Variants in IL1RAPL2 observed in about 807,000 individuals in gnomAD.
The protein encoded by IL1RAPL2 is X-linked interleukin-1 receptor accessory protein-like 2.
Under a neutral mutation model 44.1 loss-of-function variants are expected in IL1RAPL2, and 3 were observed. That is an observed-to-expected ratio of 0.07 (90% confidence interval 0.03 to 0.18). The LOEUF (loss-of-function observed/expected upper bound fraction) is 0.18. IL1RAPL2 is among the 10% of genes least tolerant of loss of function. The pLI, the probability that IL1RAPL2 is intolerant of heterozygous loss-of-function variation, is 1.00. For missense variants in IL1RAPL2, 391 were observed against 496.4 expected, an observed-to-expected ratio of 0.79 and a Z score of 2.02; for synonymous variants, 181 against 178.8, an observed-to-expected ratio of 1.01 and a Z score of -0.10.
intron 2 of IL1RAPL2, among the ~76,000 whole-genome samples, chrX:104,874,500 A>G (rs1402367236): frequency 9.0e-6 from 1 of 110,897 alleles, no homozygotes; most frequent in Admixed American, 9.7e-5. Flanking sequence ...CTGATTATTG[A>G]TGCTGCCAGG....
At chrX:104,631,311 G>A (rs1046266872) in intron 1 of IL1RAPL2, among the ~76,000 whole-genome samples, 5 of 111,879 alleles carry the variant, frequency 4.5e-5, no homozygotes, top group African/African-American at 1.6e-4. Flanking sequence ...GTGTGCATGT[G>A]TCTTTATAGA....
At chrX:104,909,062 T>C (rs1924136694) in intron 2 of IL1RAPL2, among the ~76,000 whole-genome samples, 1 of 111,177 alleles carries the variant, frequency 9.0e-6, no homozygotes, top group Admixed American at 9.6e-5. Context: ...CTTTTTTCTC[T>C]AAACTTCCCT....
chrX:105,495,771 T>C (rs746019461), intron 6 of IL1RAPL2, among the ~76,000 whole-genome samples: 11 of 110,494 alleles, frequency 1.0e-4, no homozygotes, highest in Non-Finnish European at 1.9e-4. Flanking sequence ...AAGGTACAAT[T>C]TGAAAACTGC....
intron 6 of IL1RAPL2, among the ~76,000 whole-genome samples, chrX:105,561,983 C>T (rs1291948881): frequency 9.0e-6 from 1 of 111,112 alleles, no homozygotes; most frequent in Non-Finnish European, 1.9e-5. Context: ...CTTCAGTGTT[C>T]CTGTGATTTA....
At chrX:104,749,087 G>A (rs1266231124) in intron 2 of IL1RAPL2, among the ~76,000 whole-genome samples, 1 of 111,177 alleles carries the variant, frequency 9.0e-6, no homozygotes, top group Admixed American at 9.6e-5. Flanking sequence ...ATAACAGTAA[G>A]GATTTTATTT....
chrX:105,532,763 G>GA (rs770470859), intron 6 of IL1RAPL2, among the ~76,000 whole-genome samples: 2 of 109,529 alleles, frequency 1.8e-5, no homozygotes, highest in African/African-American at 6.6e-5. Flanking sequence ...GTTACATTTT[G>GA]AAAAAAATAA....
chrX:105,395,228 A>G (rs2035553185), intron 5 of IL1RAPL2, among the ~76,000 whole-genome samples: 1 of 110,744 alleles, frequency 9.0e-6, no homozygotes, highest in African/African-American at 3.3e-5. Flanking sequence ...AAATTCATAA[A>G]TATATATATA....
chrX:104,966,047 G>C (rs1001702603), intron 2 of IL1RAPL2, among the ~76,000 whole-genome samples: 1 of 111,338 alleles, frequency 9.0e-6, no homozygotes, highest in African/African-American at 3.3e-5. Context: ...TCAGAGTCAG[G>C]ATGCATAATG....
intron 6 of IL1RAPL2, among the ~76,000 whole-genome samples, chrX:105,592,524 C>T (rs1157160691): frequency 9.0e-6 from 1 of 111,320 alleles, no homozygotes; most frequent in African/African-American, 3.3e-5. Context: ...AATACTGTGT[C>T]GATGGTTTAT....
intron 3 of IL1RAPL2, among the ~76,000 whole-genome samples, chrX:105,204,461 TC>T (rs2033744279): frequency 1.8e-5 from 2 of 112,020 alleles, no homozygotes; most frequent in South Asian, 7.4e-4. Flanking sequence ...ATAACTCTAG[TC>T]CCAGGCATGA....
At chrX:105,407,234 C>T (rs1471724461) in intron 5 of IL1RAPL2, among the ~76,000 whole-genome samples, 2 of 109,258 alleles carry the variant, frequency 1.8e-5, no homozygotes, top group Admixed American at 2.0e-4. Flanking sequence ...TTTCCATATT[C>T]TGATTTTTAA....
chrX:105,601,590 A>G (rs1740276986), intron 6 of IL1RAPL2, among the ~76,000 whole-genome samples: 1 of 110,997 alleles, frequency 9.0e-6, no homozygotes. Flanking sequence ...CTAAAGGGGA[A>G]CTCCACAATC....
In IL1RAPL2 at chrX:105,303,205, G is replaced by A. The variant is rs569073711; in HGVS notation, c.697+35664G>A. Among the ~76,000 whole-genome samples the A allele has an allele frequency of 5.3e-4, 59 of 111,459 alleles. No individual in the cohort carries two copies. The South Asian group carries it at 0.021, about 40-fold the overall frequency. ...TCTTAAAACCAGGTACTGTAATTGC[G>A]CCCGCAAATTAAAACCTTTCAGAGG... On this transcript the variant is annotated intron_variant, in intron 5 of 10. Transcript: ENST00000372582.
chrX:104,822,546 A>G lies in IL1RAPL2; in HGVS notation c.82+163551A>G, dbSNP rs771982862. Reference sequence around the variant, plus strand: ...CTTGTTTTTGTCAGGTTTGTCAAAGATCAGGTGGTTGTAGATGTGTGGTGT... The same window carrying G: ...CTTGTTTTTGTCAGGTTTGTCAAAGGTCAGGTGGTTGTAGATGTGTGGTGT... On this transcript the variant is annotated intron_variant, in intron 2 of 10. Transcript: ENST00000372582. Among the ~76,000 whole-genome samples, 5 of 111,930 alleles carry G rather than the reference A, an allele frequency of 4.5e-5. No individual in the cohort carries two copies. In the East Asian group the frequency reaches 1.4e-3, roughly 32 times the overall value.
intron 2 of IL1RAPL2, among the ~76,000 whole-genome samples, chrX:105,114,999 A>G (rs2032839372): frequency 8.9e-6 from 1 of 112,025 alleles, no homozygotes; most frequent in Admixed American, 9.5e-5. Flanking sequence ...ATCAAAATCC[A>G]GCATTACTCA....
chrX:105,639,072 T>C (rs2037545785), intron 6 of IL1RAPL2, among the ~76,000 whole-genome samples: 1 of 111,668 alleles, frequency 9.0e-6, no homozygotes, highest in Admixed American at 9.5e-5. Context: ...CTTAATTTTG[T>C]TTTTTATGCG....
In IL1RAPL2 at chrX:105,405,646, G is replaced by A. The variant is rs1602396999; in HGVS notation, c.698-78667G>A. 4 of 1,123,572 alleles carry A rather than the reference G, an allele frequency of 3.6e-6. No homozygotes were observed. The African/African-American group carries it at 5.3e-5, about 15-fold the overall frequency. 92.6% of individuals were successfully genotyped at this position (1,123,572 alleles called of 1,213,427 possible). A position where few individuals can be genotyped will look rare whatever the true frequency, so the allele number is the denominator to read the frequency against. ...CCTCAGGACCCAGCGGGGGCAGCGC[G>A]ATGAGGCGGGTGACCCTGTTCCTGA... On this transcript the variant is annotated intron_variant, in intron 5 of 10. Transcript: ENST00000372582.
intron 5 of IL1RAPL2, among the ~76,000 whole-genome samples, chrX:105,401,103 C>T (rs994116248): frequency 9.0e-6 from 1 of 111,348 alleles, no homozygotes; most frequent in South Asian, 3.8e-4. Flanking sequence ...TTTATAATGG[C>T]GTTAATCTCA....
rs760374524 is a variant in IL1RAPL2, at chrX:104,886,027, A to G, written c.82+227032A>G. 1.8e-3 allele frequency among the ~76,000 whole-genome samples: 201 copies of G among 112,514 alleles called. 1 individual carries two copies. The highest frequency in any genetic ancestry group is 4.1e-3 in the Admixed American group (44 of 10,728). ...TTAACCATTGAGGGCCAGGAAATTG[A>G]CTTCCTCCTGGACACTGGCACAGCC... On this transcript the variant is annotated intron_variant, in intron 2 of 10. Transcript: ENST00000372582.
Sources: allele counts gnomAD v4.1 joint callset (sites outside exome capture counted in the v4.1 genomes callset), GRCh38; gene constraint gnomAD v4.1.1; transcripts MANE v1.5; gene names NCBI Gene and HGNC (gene_info 2026-07-23, HGNC 2026-07-21).